Variants in SDC3 observed in about 807,000 individuals in gnomAD.
The protein encoded by SDC3 is syndecan 3, also known as syndecan-3.
SDC3 carries 13 observed loss-of-function variants against 24.4 expected under a neutral mutation model. That is an observed-to-expected ratio of 0.53 (90% CI 0.35 to 0.85). The LOEUF is 0.85. Among genes scored for constraint, SDC3 ranks in the 40% least tolerant of loss-of-function variants. The pLI, the probability that SDC3 is intolerant of heterozygous loss-of-function variation, is 0.01. For missense variants in SDC3, 571 were observed against 584.5 expected (o/e 0.98, Z 0.24); for synonymous variants, 295 against 260.9 (o/e 1.13, Z -1.26).
At chr1:30,901,787 G>C (rs1638418292) in intron 1 of SDC3, among the ~76,000 whole-genome samples, 1 of 134,728 alleles carries the variant, frequency 7.4e-6, no homozygotes, top group African/African-American at 2.8e-5. Context: ...GACAGAAAAA[G>C]AACAAAAACC....
At chr1:30,879,516 G>C (rs985641467) in intron 1 of SDC3, among the ~76,000 whole-genome samples, 1 of 152,098 alleles carries the variant, frequency 6.6e-6, no homozygotes, top group East Asian at 1.9e-4. Context: ...AATACCCACG[G>C]TGGAGGAGCT....
At position 30,869,533 on chromosome 1, in the gene SDC3, A is replaced by G; in HGVS notation, c.*3678T>C. The G allele has an allele frequency of 3.3e-6, 1 of 303,732 alleles. No individual in the cohort carries two copies. Among genetic ancestry groups the G allele is most frequent in the East Asian group, 4.1e-5 (1 of 24,170 alleles). 18.8% of individuals were successfully genotyped at this position (303,732 alleles called of 1,614,324 possible). A position where few individuals can be genotyped will look rare whatever the true frequency, so the allele number is the denominator to read the frequency against. ...CACAGGAAGTGTTAAAAAAACAAAC[A>G]AACAAAAAAAAAAAAAAAAAAAAAA... On this transcript the variant is annotated 3_prime_UTR_variant, in exon 5 of 5. Coordinates refer to ENST00000339394, the MANE Select transcript of SDC3 (RefSeq NM_014654.4).
chr1:30,896,178 T>C (rs1349798432), intron 1 of SDC3, among the ~76,000 whole-genome samples: 4 of 151,990 alleles, frequency 2.6e-5, no homozygotes, highest in South Asian at 2.1e-4. Flanking sequence ...GTGAAACAGA[T>C]TGAGGACGTG....
At chr1:30,893,422 G>A (rs1173870318) in intron 1 of SDC3, among the ~76,000 whole-genome samples, 1 of 151,462 alleles carries the variant, frequency 6.6e-6, no homozygotes, top group African/African-American at 2.4e-5. Context: ...CCATTTAGCA[G>A]CCCGACCCCC....
At position 30,870,500 on chromosome 1, in the gene SDC3, G is replaced by C. The variant is rs1216069019; in HGVS notation, c.*2711C>G. The stretch of plus-strand genomic sequence containing the variant: ...CTGCACCCACATTGCACCTGGGAGA[G>C]CCTAGCTGGTCCTCACTGAACTCTC... On this transcript the variant is annotated 3_prime_UTR_variant, in exon 5 of 5. Transcript: ENST00000339394. The C allele has an allele frequency of 1.3e-5, 2 of 152,896 alleles. No individual in the cohort carries two copies. Among genetic ancestry groups the C allele is most frequent in the Non-Finnish European group, 2.9e-5 (2 of 68,602 alleles). The allele number at this position is 152,896 out of a possible 1,614,324, so 9.5% of individuals were successfully genotyped here. A position where few individuals can be genotyped will look rare whatever the true frequency, so the allele number is the denominator to read the frequency against.
chr1:30,893,596 C>G (rs1260746999), intron 1 of SDC3, among the ~76,000 whole-genome samples: 2 of 152,054 alleles, frequency 1.3e-5, no homozygotes, highest in Non-Finnish European at 2.9e-5. Context: ...TGCTCAGGGC[C>G]CCAACTTCAA....
intron 4 of SDC3, among the ~76,000 whole-genome samples, chr1:30,873,902 G>A (rs552662021): frequency 6.6e-6 from 1 of 152,202 alleles, no homozygotes; most frequent in African/African-American, 2.4e-5. Context: ...ATGCGGCCAG[G>A]GCAGGTCCAC....
intron 1 of SDC3, among the ~76,000 whole-genome samples, chr1:30,897,659 C>T (rs1167234027): frequency 2.6e-5 from 4 of 152,178 alleles, no homozygotes; most frequent in South Asian, 2.1e-4. Flanking sequence ...GAAATGTACA[C>T]GGCAGCATGA....
chr1:30,902,205 C>T (rs1166460792), intron 1 of SDC3, among the ~76,000 whole-genome samples: 1 of 152,232 alleles, frequency 6.6e-6, no homozygotes, highest in Non-Finnish European at 1.5e-5. Flanking sequence ...CTGCCCTCCA[C>T]CCACAGCAGC....
chr1:30,879,513 A>G (rs1321225923), intron 1 of SDC3, among the ~76,000 whole-genome samples: 1 of 152,086 alleles, frequency 6.6e-6, no homozygotes, highest in African/African-American at 2.4e-5. Context: ...AAAAATACCC[A>G]CGGTGGAGGA....
intron 1 of SDC3, among the ~76,000 whole-genome samples, chr1:30,907,356 C>T (rs576852204): frequency 6.6e-6 from 1 of 152,318 alleles, no homozygotes; most frequent in East Asian, 1.9e-4. Flanking sequence ...CCAAGCATGG[C>T]TGCTACGGTC....
At chr1:30,884,013 A>G (rs559758845) in intron 1 of SDC3, among the ~76,000 whole-genome samples, 19 of 152,230 alleles carry the variant, frequency 1.2e-4, no homozygotes, top group African/African-American at 4.3e-4. Flanking sequence ...GCTGGGGCCA[A>G]GCTCCGGGCA....
intron 3 of SDC3, among the ~76,000 whole-genome samples, chr1:30,876,065 C>T (rs1309117868): frequency 6.6e-6 from 1 of 152,190 alleles, no homozygotes; most frequent in Non-Finnish European, 1.5e-5. Flanking sequence ...GTACCATCAC[C>T]AGGCGCTGTT....
rs1639579009 is a variant in SDC3 at position 30,873,523 on chromosome 1, C to A, written c.1163-146G>T. On this transcript the variant is annotated intron_variant, in intron 4 of 4. Coordinates refer to ENST00000339394, the MANE Select transcript of SDC3 (RefSeq NM_014654.4). ...ATGATGGAGTCAATACTACTACTAC[C>A]AGCACTGGGTACCATCATAGGCCTT... 4 of 614,590 alleles carry A rather than the reference C, an allele frequency of 6.5e-6. No individual in the cohort carries two copies. In the East Asian group the frequency reaches 1.1e-4, roughly 17 times the overall value. The allele number at this position is 614,590 out of a possible 1,614,324, so 38.1% of individuals were successfully genotyped here.
intron 3 of SDC3, among the ~76,000 whole-genome samples, chr1:30,875,956 C>T (rs1341570011): frequency 6.6e-6 from 1 of 152,180 alleles, no homozygotes; most frequent in African/African-American, 2.4e-5. Context: ...CAGCCCTCCA[C>T]AAGGCGAGTG....
At chr1:30,891,682 G>A (rs1448664220) in intron 1 of SDC3, among the ~76,000 whole-genome samples, 3 of 151,758 alleles carry the variant, frequency 2.0e-5, no homozygotes, top group South Asian at 2.1e-4. Flanking sequence ...TCGAGACCCC[G>A]TCTCTACTAA....
At chr1:30,884,270 C>T in intron 1 of SDC3, among the ~76,000 whole-genome samples, 1 of 149,242 alleles carries the variant, frequency 6.7e-6, no homozygotes, top group East Asian at 1.9e-4. Context: ...GCTGAAACAC[C>T]ACAGACCCCC....
chr1:30,908,008 AC>A (rs1033433531), intron 1 of SDC3, among the ~76,000 whole-genome samples: 1 of 151,468 alleles, frequency 6.6e-6, no homozygotes, highest in Admixed American at 6.6e-5. Flanking sequence ...CGGGACGGCG[AC>A]CCCCAGCCCG....
intron 1 of SDC3, among the ~76,000 whole-genome samples, chr1:30,891,654 G>A (rs1639905753): frequency 6.6e-6 from 1 of 151,990 alleles, no homozygotes; most frequent in Admixed American, 6.5e-5. Flanking sequence ...GAGGCGGGTG[G>A]ATCACGAGAT....
Sources: gnomAD v4.1 joint callset for allele counts (sites outside exome capture counted in the v4.1 genomes callset) on GRCh38, gnomAD v4.1.1 for gene constraint, MANE v1.5 for transcripts, NCBI Gene and HGNC (gene_info 2026-07-23, HGNC 2026-07-21) for gene names.